Variants in ZSCAN10 observed in about 807,000 individuals in gnomAD.
ZSCAN10 encodes zinc finger and SCAN domain containing 10.
In ZSCAN10, 52 loss-of-function variants were observed where a neutral mutation model predicts 63.7. That is an observed-to-expected ratio of 0.82 (90% CI 0.65 to 1.03). The LOEUF (loss-of-function observed/expected upper bound fraction) is 1.03. Among genes scored for constraint, ZSCAN10 ranks in the 50% least tolerant of loss-of-function variants. The probability of loss-of-function intolerance (pLI) is 0.00; values close to 1 mark genes in which losing one functional copy is unlikely to be tolerated. For synonymous variants in ZSCAN10, 544 were observed against 479.6 expected (o/e 1.13, Z -1.76); for missense variants, 1,223 against 1,103.8 (o/e 1.11, Z -1.53).
chr16:3,092,630 C>T lies in ZSCAN10; in HGVS notation c.308G>A (p.Arg103His), dbSNP rs753956687. Residue 103 changes from arginine to histidine, a missense_variant, in exon 2 of 6, where the codon CGC becomes CAC. By Grantham distance (29) the Arg-to-His change is conservative. Coordinates refer to ENST00000576985, the MANE Select transcript of ZSCAN10 (RefSeq NM_032805.3). ...ATCCCTGAGCGGCTGCCCCTGCAGG[C>T]GGCCCAGGAGGTGCGGAGGCAGCAC... ...LSVLPPHLLGRLQGQPLRDGE... is the reference protein window; with the variant it reads ...LSVLPPHLLGHLQGQPLRDGE... 8 of 1,607,856 alleles carry T rather than the reference C, an allele frequency of 5.0e-6. No individual in the cohort carries two copies. The highest frequency in any genetic ancestry group is 2.2e-5 in the East Asian group (1 of 44,764).
rs775372113 is a variant in ZSCAN10 at position 3,089,499 on chromosome 16, C to G, written c.1935G>C (p.Gln645His). The G allele has an allele frequency of 4.4e-6, 7 of 1,601,212 alleles. No homozygotes were observed. In the East Asian group the frequency reaches 1.3e-4, roughly 31 times the overall value. ...RCSECGEGFSQSAHLARHQRI... is the reference protein window; with the variant it reads ...RCSECGEGFSHSAHLARHQRI... ...GCTGGTGGCGCGCCAGGTGGGCGCT[C>G]TGGCTGAAGCCCTCACCGCACTCGC... Residue 645 changes from glutamine (Q) to histidine (H), a missense_variant, in exon 6 of 6, where the codon CAG (glutamine) becomes CAC (histidine). Physicochemically the swap from Gln to His is conservative, Grantham distance 24. Coordinates refer to ENST00000576985, the MANE Select transcript of ZSCAN10 (RefSeq NM_032805.3).
chr16:3,094,120 C>T (rs891103975), intron 1 of ZSCAN10, among the ~76,000 whole-genome samples: 2 of 152,172 alleles, frequency 1.3e-5, no homozygotes, highest in African/African-American at 4.8e-5. Flanking sequence ...TCAAGTGATC[C>T]TCCCGCGTCA....
At position 3,089,344 on chromosome 16, in the gene ZSCAN10, C is replaced by A; in HGVS notation, c.2090G>T (p.Arg697Leu). 6.3e-7 allele frequency: 1 copy of A among 1,591,128 alleles called. No individual in the cohort carries two copies. The change falls in exon 6 of 6, where the codon CGC becomes CTC. Residue 697 changes from arginine to leucine, a missense_variant. Arg to Leu is a moderately radical substitution (Grantham distance 102). Transcript: ENST00000576985. ...ERPYSCQTCG[R>L]SFRRNAHLRR... The stretch of plus-strand genomic sequence containing the variant: ...CAGATGCGCGTTGCGCCGGAAGCTG[C>A]GACCGCACGTCTGACAGCTGTAGGG...
intron 1 of ZSCAN10, among the ~76,000 whole-genome samples, chr16:3,097,665 C>A (rs1182176507): frequency 6.6e-6 from 1 of 152,336 alleles, no homozygotes; most frequent in African/African-American, 2.4e-5. Flanking sequence ...CATCTCTCCC[C>A]ACTAGGGCGA....
intron 1 of ZSCAN10, among the ~76,000 whole-genome samples, chr16:3,097,890 T>G (rs1050851217): frequency 1.3e-5 from 2 of 151,308 alleles, no homozygotes; most frequent in Non-Finnish European, 2.9e-5. Flanking sequence ...AAAAATGGTG[T>G]TGTGAGGCCG....
chr16:3,092,506 C>T, intron 2 of ZSCAN10, 36 bp downstream of exon 2: 1 of 1,468,130 alleles, frequency 6.8e-7, no homozygotes. Context: ...TCCCCATCAT[C>T]CGCATGCTGC....
At position 3,092,167 on chromosome 16, in the gene ZSCAN10, G is replaced by C. The variant is rs764414061; in HGVS notation, c.546C>G (p.Pro182=). The stretch of plus-strand genomic sequence containing the variant: ...GCTGGGCAGCCCTTGGCTGGGGTCG[G>C]GGAGGCTCATCCGATGGGCCCAGCA... ...PSVLGPSDEP[P]RPQPRAAQPA... Residue 182 remains proline (P), a synonymous_variant, in exon 3 of 6, where the codon CCC becomes CCG. Coordinates refer to ENST00000576985, the MANE Select transcript of ZSCAN10 (RefSeq NM_032805.3). 3.1e-6 allele frequency: 5 copies of C among 1,613,202 alleles called. No individual in the cohort carries two copies. The Admixed American group carries it at 6.7e-5, about 22-fold the overall frequency.
chr16:3,095,367 A>G (rs558019248), intron 1 of ZSCAN10, among the ~76,000 whole-genome samples: 78 of 151,852 alleles, frequency 5.1e-4, no homozygotes, highest in African/African-American at 1.8e-3. Flanking sequence ...AATACAAAAA[A>G]TTAGCCACGG....
In ZSCAN10 at chr16:3,089,230, C is replaced by T. The variant is rs748198559; in HGVS notation, c.2204G>A (p.Arg735His). 3 of 1,581,698 alleles carry T rather than the reference C, an allele frequency of 1.9e-6. No individual in the cohort carries two copies. The highest frequency in any genetic ancestry group is 1.1e-5 in the South Asian group (1 of 88,274). ...ECVECGKSFS[R>H]SCNLLRHLLV... ...CAGGTGTCGCAGCAGATTGCAGCTGCGGCTGAAGCTCTTCCCGCACTCCAC... is the reference window on the plus strand; with the variant it reads ...CAGGTGTCGCAGCAGATTGCAGCTGTGGCTGAAGCTCTTCCCGCACTCCAC... Residue 735 changes from arginine to histidine, a missense_variant, in exon 6 of 6, where the codon CGC becomes CAC. Arg to His is a conservative substitution (Grantham distance 29). Coordinates refer to ENST00000576985, the MANE Select transcript of ZSCAN10 (RefSeq NM_032805.3).
In ZSCAN10 at chr16:3,092,546, G is replaced by C; in HGVS notation, c.392C>G (p.Pro131Arg). 6.6e-7 allele frequency: 1 copy of C among 1,519,846 alleles called. No homozygotes were observed. The highest frequency in any genetic ancestry group is 8.8e-7 in the Non-Finnish European group (1 of 1,134,786). The allele number at this position is 1,519,846 out of a possible 1,614,324, so 94.1% of individuals were successfully genotyped here. A position where few individuals can be genotyped will look rare whatever the true frequency, so the allele number is the denominator to read the frequency against. The change falls in exon 2 of 6, where the codon CCG becomes CGG. Residue 131 changes from proline (P) to arginine (R), a missense_variant. Pro to Arg is a moderately radical substitution (Grantham distance 103). Coordinates refer to ENST00000576985, the MANE Select transcript of ZSCAN10 (RefSeq NM_032805.3). ...GIHREPSHAGPLDFSCNAGKS... is the reference protein window; with the variant it reads ...GIHREPSHAGRLDFSCNAGKS... ...CCCGCTGCCCCACCCTCTCACCAGCGGCCCCGCGTGGCTGGGCTCCCGGTG... is the reference window on the plus strand; with the variant it reads ...CCCGCTGCCCCACCCTCTCACCAGCCGCCCCGCGTGGCTGGGCTCCCGGTG...
At chr16:3,096,406 T>A (rs1957154029) in intron 1 of ZSCAN10, 1 of 152,264 alleles carries the variant, frequency 6.6e-6, no homozygotes, top group Non-Finnish European at 1.5e-5. Flanking sequence ...GCACCCCAGG[T>A]AGGGGGATGT....
In ZSCAN10 at chr16:3,090,565, G is replaced by A. The variant is rs1957060213; in HGVS notation, c.869C>T (p.Ala290Val). 6.3e-7 allele frequency: 1 copy of A among 1,596,998 alleles called. No individual in the cohort carries two copies. The highest frequency in any genetic ancestry group is 1.7e-4 in the Middle Eastern group (1 of 6,002). Residue 290 changes from alanine to valine, a missense_variant, in exon 6 of 6, where the codon GCA becomes GTA. Coordinates refer to ENST00000576985, the MANE Select transcript of ZSCAN10 (RefSeq NM_032805.3). ...KGAAWPTPIL[A>V]ESQADSPGVP... Reference sequence around the variant, plus strand: ...CCCAGGACTATCTGCCTGGGACTCTGCTAAGATGGGAGTGGGCCAGGCAGC... The same window carrying A: ...CCCAGGACTATCTGCCTGGGACTCTACTAAGATGGGAGTGGGCCAGGCAGC...
Position 3,090,252 on chromosome 16 carries a change from G to A in ZSCAN10, c.1182C>T (p.His394=). The change falls in exon 6 of 6, where the codon CAC becomes CAT. Residue 394 remains histidine (H), a synonymous_variant. Coordinates refer to ENST00000576985, the MANE Select transcript of ZSCAN10 (RefSeq NM_032805.3). ...SFGRSSILKL[H]MRTHTDERPH... is the part of the protein sequence containing the mutation. ...GCCGCTCGTCCGTGTGAGTGCGCATGTGCAGCTTGAGAATGGAGCTGCGGC... is the reference window on the plus strand; with the variant it reads ...GCCGCTCGTCCGTGTGAGTGCGCATATGCAGCTTGAGAATGGAGCTGCGGC... 1 of 1,608,506 alleles carries A rather than the reference G, an allele frequency of 6.2e-7. No homozygotes were observed. Among genetic ancestry groups the A allele is most frequent in the Admixed American group, 1.7e-5 (1 of 59,916 alleles).
At position 3,088,927 on chromosome 16, in the gene ZSCAN10, A is replaced by G; in HGVS notation, c.*164T>C. ...CCATTTTACTTCGGGCGTTTTAATT[A>G]CATAGCTGAGGCCAGAAAGCAATGC... On this transcript the variant is annotated 3_prime_UTR_variant, in exon 6 of 6. Transcript: ENST00000576985. 1.5e-6 allele frequency: 2 copies of G among 1,311,484 alleles called. No individual in the cohort carries two copies. Among genetic ancestry groups the G allele is most frequent in the African/African-American group, 3.1e-5 (2 of 64,196 alleles). 81.2% of individuals were successfully genotyped at this position (1,311,484 alleles called of 1,614,324 possible).
At chr16:3,097,822 C>T (rs1027983554) in intron 1 of ZSCAN10, among the ~76,000 whole-genome samples, 6 of 152,002 alleles carry the variant, frequency 3.9e-5, no homozygotes, top group Admixed American at 3.9e-4. Context: ...TTCTGGCCAT[C>T]TCGAAGGAAA....
At position 3,091,816 on chromosome 16, in the gene ZSCAN10, G is replaced by A. The variant is rs534327171; in HGVS notation, c.677C>T (p.Pro226Leu). The change falls in exon 4 of 6, where the codon CCC (proline) becomes CTC (leucine). Residue 226 changes from proline to leucine, a missense_variant. Coordinates refer to ENST00000576985, the MANE Select transcript of ZSCAN10 (RefSeq NM_032805.3). ...QALQESSPQG[P>L]SPWPEESSRD... is the part of the protein sequence containing the mutation. ...GGAACTCTCCTCTGGCCATGGTGAG[G>A]GGCCCTGGGGACCTGACGGCATTGG... 25 of 1,572,220 alleles carry A rather than the reference G, an allele frequency of 1.6e-5. No homozygotes were observed. In the South Asian group the frequency reaches 2.6e-4, roughly 16 times the overall value.
At position 3,090,312 on chromosome 16, in the gene ZSCAN10, G is replaced by A. The variant is rs1330846662; in HGVS notation, c.1122C>T (p.Arg374=). The change falls in exon 6 of 6, where the codon CGC becomes CGT. Residue 374 remains arginine, a synonymous_variant. Coordinates refer to ENST00000576985, the MANE Select transcript of ZSCAN10 (RefSeq NM_032805.3). ...TCCCGCAGCAAAGGCACAGGAAGGA[G>A]CGCCCAGCCGGGTGCGAGCGCAGCT... ...AHQLRSHPAG[R]SFLCLCCGKS... is the part of the protein sequence containing the mutation. 1 of 1,609,036 alleles carries A rather than the reference G, an allele frequency of 6.2e-7. No homozygotes were observed. The highest frequency in any genetic ancestry group is 8.5e-7 in the Non-Finnish European group (1 of 1,178,460).
chr16:3,092,122 C>A lies in ZSCAN10; in HGVS notation c.591G>T (p.Trp197Cys), dbSNP rs1957087431. ...GCTGCTTTGAACTTGGGGGAAGCCT[C>A]CACTGTCCCGGCTCAGCAGGCTGGG... The part of the protein sequence containing the change: ...RAAQPAEPGQ[W>C]RLPPSSKQPL... Residue 197 changes from tryptophan (W) to cysteine (C), a missense_variant, in exon 3 of 6, where the codon TGG becomes TGT. Trp to Cys is a radical substitution (Grantham distance 215, BLOSUM62 -2). Transcript: ENST00000576985. The A allele has an allele frequency of 5.6e-6, 9 of 1,611,488 alleles. No homozygotes were observed. The highest frequency in any genetic ancestry group is 7.6e-6 in the Non-Finnish European group (9 of 1,178,550).
chr16:3,097,966 C>T (rs982131870), intron 1 of ZSCAN10, among the ~76,000 whole-genome samples: 1 of 146,692 alleles, frequency 6.8e-6, no homozygotes, highest in Admixed American at 6.9e-5. Flanking sequence ...TTGCTTGAAC[C>T]TGGGGGGTCA....
Sources: gnomAD v4.1 joint callset for allele counts (sites outside exome capture counted in the v4.1 genomes callset) on GRCh38, gnomAD v4.1.1 for gene constraint, MANE v1.5 for transcripts, NCBI Gene and HGNC (gene_info 2026-07-23, HGNC 2026-07-21) for gene names.